MARK2: variants seen among roughly 807,000 people sequenced by gnomAD.
MARK2 encodes serine/threonine-protein kinase MARK2.
A neutral mutation model predicts 89.8 loss-of-function variants in MARK2; 16 were observed. That is an observed-to-expected ratio of 0.18 (90% confidence interval 0.12 to 0.27). The LOEUF (loss-of-function observed/expected upper bound fraction) is 0.27, where lower values mean the gene tolerates loss of function less well. Ranked by LOEUF, MARK2 falls within the 10% of genes least tolerant of loss-of-function variation. MARK2 has a pLI of 1.00. For synonymous variants in MARK2, 382 were observed against 399.5 expected, an observed-to-expected ratio of 0.96 and a Z score of 0.52; for missense variants, 621 against 1,049.9, an observed-to-expected ratio of 0.59 and a Z score of 5.65.
intron 3 of MARK2, 22 bp from the exon 4 acceptor site, chr11:63,898,210 C>T (rs762806913): frequency 5.0e-6 from 8 of 1,611,170 alleles, no homozygotes; most frequent in East Asian, 2.2e-5. Context: ...GCAGGCATGA[C>T]CCCTGGTATT....
intron 1 of MARK2, among the ~76,000 whole-genome samples, chr11:63,872,784 A>G (rs1183622091): frequency 6.6e-6 from 1 of 152,078 alleles, no homozygotes; most frequent in East Asian, 1.9e-4. Flanking sequence ...AGCTCCTGCA[A>G]CGGGAACCCC....
chr11:63,860,843 G>C (rs1212183539), intron 1 of MARK2, among the ~76,000 whole-genome samples: 1 of 151,792 alleles, frequency 6.6e-6, no homozygotes, highest in East Asian at 1.9e-4. Flanking sequence ...CGGTGACCGA[G>C]TGAGACTCCA....
At chr11:63,855,302 T>G (rs1306083791) in intron 1 of MARK2, among the ~76,000 whole-genome samples, 2 of 152,160 alleles carry the variant, frequency 1.3e-5, no homozygotes, top group Non-Finnish European at 2.9e-5. Flanking sequence ...GAGGATCGCT[T>G]GAGGTCAGAA....
In MARK2 at chr11:63,909,453, C is replaced by T. The variant is rs1171476184; in HGVS notation, c.*216C>T. On this transcript the variant is annotated 3_prime_UTR_variant, in exon 19 of 19. Coordinates refer to ENST00000402010, the MANE Select transcript of MARK2 (RefSeq NM_001039469.3). ...CACATTCACCCCTGCCCAGAGATTC[C>T]CCCTTCTCCTCTCCCCTACTGGAGG... is the stretch of plus-strand genomic sequence containing the variant. 2 of 472,268 alleles carry T rather than the reference C, an allele frequency of 4.2e-6. No individual in the cohort carries two copies. The highest frequency in any genetic ancestry group is 7.3e-6 in the Non-Finnish European group (2 of 272,578). 29.3% of individuals were successfully genotyped at this position (472,268 alleles called of 1,614,324 possible). A position where few individuals can be genotyped will look rare whatever the true frequency, so the allele number is the denominator to read the frequency against.
At chr11:63,861,258 AC>A (rs929582267) in intron 1 of MARK2, among the ~76,000 whole-genome samples, 7 of 152,064 alleles carry the variant, frequency 4.6e-5, no homozygotes, top group African/African-American at 1.4e-4. Flanking sequence ...AGATGGTGAA[AC>A]CCCATCTCTA....
Position 63,903,083 on chromosome 11 carries a change from C to T in MARK2, c.1439C>T (p.Thr480Ile). The T allele has an allele frequency of 6.2e-7, 1 of 1,614,114 alleles. No homozygotes were observed. The change falls in exon 14 of 19, where the codon ACA becomes ATA. Residue 480 changes from threonine to isoleucine, a missense_variant. By Grantham distance (89) the Thr-to-Ile change is moderately conservative (BLOSUM62 -1). Around this residue, in one of 5 missense-constraint regions of MARK2, gnomAD observed 397 missense variants for 567.8 expected, o/e 0.70. Coordinates refer to ENST00000402010, the MANE Select transcript of MARK2 (RefSeq NM_001039469.3). The surrounding 1 kb of genome is among the most constrained non-coding windows in gnomAD (Gnocchi z 5.1). ...CAGAACAGCGTCCTCTCCACCAGCACAAATCGAAGCAGGAATTCCCCACTT... is the reference window on the plus strand; with the variant it reads ...CAGAACAGCGTCCTCTCCACCAGCATAAATCGAAGCAGGAATTCCCCACTT... ...PSTNSVLSTS[T>I]NRSRNSPLLE...
chr11:63,877,656 C>T (rs1051233625), intron 1 of MARK2, among the ~76,000 whole-genome samples: 6 of 151,676 alleles, frequency 4.0e-5, no homozygotes, highest in Non-Finnish European at 5.9e-5. Flanking sequence ...GCCAAGATCG[C>T]GCCACTGCAC....
At position 63,905,000 on chromosome 11, in the gene MARK2, T is replaced by C. The variant is rs1941207746; in HGVS notation, c.1891T>C (p.Ser631Pro). 2 of 1,613,952 alleles carry C rather than the reference T, an allele frequency of 1.2e-6. No individual in the cohort carries two copies. Among genetic ancestry groups the C allele is most frequent in the South Asian group, 2.2e-5 (2 of 91,086 alleles). Residue 631 changes from serine (S) to proline (P), a missense_variant, in exon 16 of 19, where the codon TCT (serine) becomes CCT (proline). Ser to Pro is a moderately conservative substitution (Grantham distance 74, BLOSUM62 -1). Transcript: ENST00000402010. The surrounding 1 kb of genome is among the most constrained non-coding windows in gnomAD (Gnocchi z 6.3). Reference sequence around the variant, plus strand: ...CCACAGCCAGGGCCGGCGGGGGGCCTCTGGGAGCATCTTCAGCAAGTTCAC... The same window carrying C: ...CCACAGCCAGGGCCGGCGGGGGGCCCCTGGGAGCATCTTCAGCAAGTTCAC... ...SGHSQGRRGASGSIFSKFTSK... is the reference protein window; with the variant it reads ...SGHSQGRRGAPGSIFSKFTSK...
chr11:63,869,762 G>A (rs1220548123), intron 1 of MARK2, among the ~76,000 whole-genome samples: 4 of 152,098 alleles, frequency 2.6e-5, no homozygotes, highest in African/African-American at 4.8e-5. Flanking sequence ...GTTTACTTCC[G>A]GAGCCAGACT....
At chr11:63,873,848 T>C (rs1938592407) in intron 1 of MARK2, among the ~76,000 whole-genome samples, 1 of 152,174 alleles carries the variant, frequency 6.6e-6, no homozygotes, top group South Asian at 2.1e-4. Flanking sequence ...AGCTTCACCA[T>C]GTTGGCCAGG....
chr11:63,872,448 T>G (rs1482443913), intron 1 of MARK2, among the ~76,000 whole-genome samples: 2 of 152,220 alleles, frequency 1.3e-5, no homozygotes, highest in Non-Finnish European at 2.9e-5. Flanking sequence ...AATGTGATTA[T>G]CCTACTGGGA....
At chr11:63,899,309 G>A (rs1349594299) in intron 7 of MARK2, among the ~76,000 whole-genome samples, 1 of 149,988 alleles carries the variant, frequency 6.7e-6, no homozygotes, top group Non-Finnish European at 1.5e-5. Flanking sequence ...GAGGCCTTGT[G>A]GCTGGACCTC....
intron 1 of MARK2, among the ~76,000 whole-genome samples, chr11:63,843,868 G>A (rs2016143579): frequency 6.6e-6 from 1 of 152,090 alleles, no homozygotes; most frequent in Admixed American, 6.6e-5. Flanking sequence ...CAGGTGATCT[G>A]CTGGATAAAT....
Position 63,902,115 on chromosome 11 carries a change from G to A in MARK2, c.1102-83G>A. The A allele has an allele frequency of 1.3e-6, 2 of 1,483,832 alleles. No homozygotes were observed. The highest frequency in any genetic ancestry group is 1.9e-6 in the Non-Finnish European group (2 of 1,077,708). 91.9% of individuals were successfully genotyped at this position (1,483,832 alleles called of 1,614,324 possible). On this transcript the variant is annotated intron_variant, in intron 11 of 18. Transcript: ENST00000402010. The surrounding 1 kb of genome is among the most constrained non-coding windows in gnomAD (Gnocchi z 4.2). Reference sequence around the variant, plus strand: ...CTGGGGTGTTTGAGTGTTGGGAGAGGGCGGTATGTGTAAATGTGTCCATCC... The same window carrying A: ...CTGGGGTGTTTGAGTGTTGGGAGAGAGCGGTATGTGTAAATGTGTCCATCC...
chr11:63,855,932 A>T (rs2873628), intron 1 of MARK2, among the ~76,000 whole-genome samples: 1 of 152,242 alleles, frequency 6.6e-6, no homozygotes, highest in African/African-American at 2.4e-5. Context: ...AAACATGTGG[A>T]TTTATGATCT....
intron 1 of MARK2, among the ~76,000 whole-genome samples, chr11:63,845,575 C>G (rs2016237511): frequency 6.6e-6 from 1 of 152,114 alleles, no homozygotes; most frequent in African/African-American, 2.4e-5. Flanking sequence ...GAAGAGTAAG[C>G]CTTTACAAAC....
chr11:63,878,531 G>A (rs1178771156), intron 1 of MARK2, among the ~76,000 whole-genome samples: 3 of 151,650 alleles, frequency 2.0e-5, no homozygotes, highest in Middle Eastern at 3.2e-3. Flanking sequence ...CACCACGCCC[G>A]GCTAATTTTT....
chr11:63,865,341 C>T (rs989499194), intron 1 of MARK2, among the ~76,000 whole-genome samples: 7 of 152,054 alleles, frequency 4.6e-5, no homozygotes, highest in African/African-American at 1.4e-4. Context: ...AAGGTTCAAG[C>T]GACCCTCCCA....
intron 1 of MARK2, among the ~76,000 whole-genome samples, chr11:63,887,902 G>T (rs573261923): frequency 2.0e-5 from 3 of 152,188 alleles, no homozygotes; most frequent in African/African-American, 7.2e-5. Flanking sequence ...AAACTTGGAG[G>T]TGAGTGAGAA....
Sources: gnomAD v4.1 joint callset for allele counts (sites outside exome capture counted in the v4.1 genomes callset) on GRCh38, gnomAD v4.1.1 for gene constraint, gnomAD v4.1.1 regional missense constraint, Gnocchi (gnomAD v3.1) non-coding constraint, MANE v1.5 for transcripts, NCBI Gene and HGNC (gene_info 2026-07-23, HGNC 2026-07-21) for gene names.